The following ZBTB49 variants were observed in gnomAD, a reference collection of about 807,000 sequenced individuals.
ZBTB49 encodes zinc finger and BTB domain-containing protein 49.
A neutral mutation model predicts 57.5 loss-of-function variants in ZBTB49; 43 were observed. That is an observed-to-expected ratio of 0.75 (90% confidence interval 0.59 to 0.97). The LOEUF (loss-of-function observed/expected upper bound fraction) is 0.97, where lower values mean the gene tolerates loss of function less well. ZBTB49 is among the 50% of genes least tolerant of loss of function. ZBTB49 has a pLI of 0.00. For synonymous variants in ZBTB49, 369 were observed against 362.1 expected (o/e 1.02, Z -0.22); for missense variants, 938 against 947.7 (o/e 0.99, Z 0.13).
chr4:4,295,516 A>AG lies in ZBTB49; in HGVS notation c.-19-4410dup, dbSNP rs530171999. Among the ~76,000 whole-genome samples the AG allele has an allele frequency of 2.4e-3, 363 of 152,342 alleles. 2 individuals are homozygous for AG. Among genetic ancestry groups the AG allele is most frequent in the African/African-American group, 8.4e-3 (351 of 41,576 alleles). On this transcript the variant is annotated intron_variant, in intron 1 of 7. Transcript: ENST00000337872. ...TGCTTAGCACAGGTCTGTGGTAAATAGTCAGTAAATGATAGTTTAAAAGAA... is the reference window on the plus strand; with the variant it reads ...TGCTTAGCACAGGTCTGTGGTAAATAGGTCAGTAAATGATAGTTTAAAAGAA...
intron 4 of ZBTB49, 46 bp from the exon 5 acceptor site, chr4:4,312,995 C>A: frequency 6.2e-7 from 1 of 1,601,276 alleles, no homozygotes; most frequent in Admixed American, 1.7e-5. Flanking sequence ...TTTAAAAAAC[C>A]AAAAACTTTC....
intron 5 of ZBTB49, among the ~76,000 whole-genome samples, chr4:4,315,380 A>G (rs1721146044): frequency 6.6e-6 from 1 of 152,226 alleles, no homozygotes; most frequent in Non-Finnish European, 1.5e-5. Context: ...GTGCTCTGTA[A>G]AACTGAGGAA....
At chr4:4,306,913 C>G (rs534252422) in intron 4 of ZBTB49, among the ~76,000 whole-genome samples, 3 of 152,358 alleles carry the variant, frequency 2.0e-5, no homozygotes, top group African/African-American at 7.2e-5. Flanking sequence ...GCACGACTGT[C>G]TCACACAGCA....
At chr4:4,308,943 G>A (rs1414149747) in intron 4 of ZBTB49, among the ~76,000 whole-genome samples, 1 of 152,238 alleles carries the variant, frequency 6.6e-6, no homozygotes, top group Non-Finnish European at 1.5e-5. Flanking sequence ...CACTGGGCAA[G>A]CCTGGCATCC....
intron 1 of ZBTB49, among the ~76,000 whole-genome samples, chr4:4,291,513 G>A (rs2980158): frequency 0.84 from 127,793 of 152,196 alleles, 53,738 homozygotes; most frequent in Admixed American, 0.85. Flanking sequence ...AACCATAACA[G>A]AAGGAATTCA....
intron 4 of ZBTB49, among the ~76,000 whole-genome samples, chr4:4,312,673 T>TAAATACATGGCCCAAATA (rs1721023022): frequency 6.6e-6 from 1 of 152,234 alleles, no homozygotes; most frequent in Non-Finnish European, 1.5e-5. Context: ...AGTGATGTTT[T>TAAATACATGGCCCAAATA]AAATACATGG....
intron 5 of ZBTB49, among the ~76,000 whole-genome samples, chr4:4,315,386 A>G (rs943584137): frequency 9.9e-5 from 15 of 152,228 alleles, no homozygotes; most frequent in African/African-American, 1.7e-4. Flanking sequence ...TGTAAAACTG[A>G]GGAAGAAAGT....
At chr4:4,307,303 T>A (rs535553395) in intron 4 of ZBTB49, among the ~76,000 whole-genome samples, 1 of 152,104 alleles carries the variant, frequency 6.6e-6, no homozygotes, top group African/African-American at 2.4e-5. Flanking sequence ...CTGAGCTGAG[T>A]GCTCGTCCCT....
At position 4,319,822 on chromosome 4, in the gene ZBTB49, CT is replaced by C. The variant is rs535855177; in HGVS notation, c.1622-817del. The stretch of plus-strand genomic sequence containing the variant: ...GCCTCACTCCCAGCACTTTGGGAGG[CT>C]GAGGTGGGCAGATCACTTGAGGTCA... On this transcript the variant is annotated intron_variant, in intron 7 of 7. Transcript: ENST00000337872. Among the ~76,000 whole-genome samples, 135 of 147,170 alleles carry C rather than the reference CT, an allele frequency of 9.2e-4. 1 individual carries two copies. Among genetic ancestry groups the C allele is most frequent in the Middle Eastern group, 7.4e-3 (2 of 270 alleles).
Position 4,302,087 on chromosome 4 carries a change from CT to C in ZBTB49, c.253del (p.Ser85LeufsTer3), listed in dbSNP as rs766633013. ...GIGQILDFMYTSHLDLNQDNI... is the reference protein window; with the variant it reads ...GIGQILDFMYXSHLDLNQDNI... ...GGGCAGATCCTGGACTTCATGTACA[CT>C]TCTCATCTAGATCTTAACCAGGACA... On this transcript the variant is annotated frameshift_variant, in exon 3 of 8. Coordinates refer to ENST00000337872, the MANE Select transcript of ZBTB49 (RefSeq NM_145291.4). LOFTEE classifies it high-confidence loss of function. 1 of 1,614,112 alleles carries C rather than the reference CT, an allele frequency of 6.2e-7. No homozygotes were observed. The highest frequency in any genetic ancestry group is 8.5e-7 in the Non-Finnish European group (1 of 1,179,970).
At chr4:4,297,082 A>G (rs2108870216) in intron 1 of ZBTB49, among the ~76,000 whole-genome samples, 1 of 152,142 alleles carries the variant, frequency 6.6e-6, no homozygotes, top group Admixed American at 6.5e-5. Flanking sequence ...ATTTATTTTT[A>G]TTTTTTGAGA....
In ZBTB49 at chr4:4,303,074, A is replaced by G; in HGVS notation, c.1238A>G (p.His413Arg). 1.2e-6 allele frequency: 2 copies of G among 1,608,886 alleles called. No homozygotes were observed. The highest frequency in any genetic ancestry group is 1.7e-6 in the Non-Finnish European group (2 of 1,176,746). The change falls in exon 3 of 8, where the codon CAC (histidine) becomes CGC (arginine). Residue 413 changes from histidine to arginine, a missense_variant. His to Arg is a conservative substitution (Grantham distance 29). This residue lies in a region of ZBTB49 where 835 missense variants were observed against 819.1 expected (regional missense o/e 1.02). Coordinates refer to ENST00000337872, the MANE Select transcript of ZBTB49 (RefSeq NM_145291.4). ...AAACACCCAAGCAACTTGGAGCTTC[A>G]CAAACGGTCTCATACAGGTAACTGA... Reference protein sequence around the residue: ...PFKHPSNLELHKRSHTGEKPF... With the variant: ...PFKHPSNLELRKRSHTGEKPF...
chr4:4,300,451 G>T, intron 2 of ZBTB49, among the ~76,000 whole-genome samples: 1 of 152,092 alleles, frequency 6.6e-6, no homozygotes, highest in Admixed American at 6.5e-5. Context: ...TTCCCGGTCA[G>T]AATTTTTCTG....
intron 3 of ZBTB49, among the ~76,000 whole-genome samples, chr4:4,303,760 CTGTG>C (rs1553805028): frequency 6.6e-5 from 8 of 121,314 alleles, no homozygotes; most frequent in African/African-American, 1.0e-4. Flanking sequence ...CTCTCTCTCT[CTGTG>C]TGTGTGTCTC....
At chr4:4,299,705 A>G (rs1720384230) in intron 1 of ZBTB49, among the ~76,000 whole-genome samples, 1 of 152,108 alleles carries the variant, frequency 6.6e-6, no homozygotes, top group Non-Finnish European at 1.5e-5. Context: ...TGAGCAGTGC[A>G]GATAGAGAGC....
chr4:4,301,333 A>G (rs538432291), intron 2 of ZBTB49, among the ~76,000 whole-genome samples: 1 of 152,308 alleles, frequency 6.6e-6, no homozygotes, highest in African/African-American at 2.4e-5. Flanking sequence ...TTTGGTCTTC[A>G]CTAACTCTTA....
intron 4 of ZBTB49, among the ~76,000 whole-genome samples, chr4:4,308,383 C>T (rs2108887793): frequency 6.6e-6 from 1 of 152,296 alleles, no homozygotes; most frequent in South Asian, 2.1e-4. Context: ...AGCCACGTAT[C>T]AGTATTTTTA....
At position 4,320,944 on chromosome 4, in the gene ZBTB49, A is replaced by G; in HGVS notation, c.1926A>G (p.Ala642=). 6.2e-7 allele frequency: 1 copy of G among 1,614,252 alleles called. No homozygotes were observed. Among genetic ancestry groups the G allele is most frequent in the Non-Finnish European group, 8.5e-7 (1 of 1,180,050 alleles). Residue 642 remains alanine, a synonymous_variant, in exon 8 of 8, where the codon GCA becomes GCG. Transcript: ENST00000337872. ...TCCACCCAGTGGAAAATTCTGTGGC[A>G]GAATTTGATAGCCACTCTGGCGGCT... ...LPVHPVENSV[A]EFDSHSGGSY... is the part of the protein sequence containing the mutation.
chr4:4,302,531 G>T lies in ZBTB49; in HGVS notation c.695G>T (p.Ser232Ile). The change falls in exon 3 of 8, where the codon AGT (serine) becomes ATT (isoleucine). Residue 232 changes from serine to isoleucine, a missense_variant. Ser to Ile is a moderately radical substitution (Grantham distance 142). Around this residue, in one of 3 missense-constraint regions of ZBTB49, gnomAD observed 835 missense variants for 819.1 expected, o/e 1.02. Transcript: ENST00000337872. ...KQYHKHAAGPSQERVVEQPFA... is the reference protein window; with the variant it reads ...KQYHKHAAGPIQERVVEQPFA... ...TACCATAAACACGCAGCTGGTCCCA[G>T]TCAGGAGAGAGTTGTTGAGCAGCCT... is the stretch of plus-strand genomic sequence containing the variant. 6.2e-7 allele frequency: 1 copy of T among 1,614,036 alleles called. No individual in the cohort carries two copies. Among genetic ancestry groups the T allele is most frequent in the Non-Finnish European group, 8.5e-7 (1 of 1,179,940 alleles).
Sources: allele counts gnomAD v4.1 joint callset (sites outside exome capture counted in the v4.1 genomes callset), GRCh38; gene constraint gnomAD v4.1.1; regional missense constraint gnomAD v4.1.1; transcripts MANE v1.5; gene names NCBI Gene and HGNC (gene_info 2026-07-23, HGNC 2026-07-21).